Variants in SRGAP1 observed in about 807,000 individuals in gnomAD.
SRGAP1 encodes the protein SLIT-ROBO Rho GTPase-activating protein 1.
Under a neutral mutation model 121.9 loss-of-function variants are expected in SRGAP1, and 43 were observed. The observed-to-expected ratio is 0.35, with a 90% confidence interval of 0.28 to 0.46. The LOEUF is 0.46. Ranked by LOEUF, SRGAP1 falls within the 20% of genes least tolerant of loss-of-function variation. The pLI, the probability that SRGAP1 is intolerant of heterozygous loss-of-function variation, is 1.00. For synonymous variants in SRGAP1, 447 were observed against 485.4 expected, an observed-to-expected ratio of 0.92 and a Z score of 1.04; for missense variants, 1,102 against 1,350.9, an observed-to-expected ratio of 0.82 and a Z score of 2.89.
chr12:64,022,246 G>A (rs1485583349), intron 4 of SRGAP1, among the ~76,000 whole-genome samples: 2 of 152,162 alleles, frequency 1.3e-5, no homozygotes, highest in Non-Finnish European at 2.9e-5. Flanking sequence ...AAGATCTCCA[G>A]TGAGCAAGCT....
At chr12:63,954,891 A>G (rs1303584223) in intron 1 of SRGAP1, among the ~76,000 whole-genome samples, 8 of 152,190 alleles carry the variant, frequency 5.3e-5, no homozygotes, top group Non-Finnish European at 8.8e-5. Context: ...TTTAAATAAT[A>G]AGTGAGGAGA....
At chr12:63,992,203 T>A (rs2033573786) in intron 3 of SRGAP1, among the ~76,000 whole-genome samples, 1 of 152,212 alleles carries the variant, frequency 6.6e-6, no homozygotes. Context: ...TTGTACGTCT[T>A]GCTAAAATGT....
intron 21 of SRGAP1, among the ~76,000 whole-genome samples, chr12:64,137,041 A>C (rs2036867053): frequency 6.6e-6 from 1 of 152,146 alleles, no homozygotes; most frequent in Non-Finnish European, 1.5e-5. Context: ...AGGCGCATGG[A>C]TCACTTGAGG....
At chr12:63,868,935 A>C (rs991534697) in intron 1 of SRGAP1, among the ~76,000 whole-genome samples, 1 of 152,170 alleles carries the variant, frequency 6.6e-6, no homozygotes, top group Admixed American at 6.5e-5. Flanking sequence ...ATAGATGTAG[A>C]TTGCTCTACC....
intron 3 of SRGAP1, among the ~76,000 whole-genome samples, chr12:64,001,095 C>G (rs1265237391): frequency 6.6e-6 from 1 of 152,088 alleles, no homozygotes; most frequent in Non-Finnish European, 1.5e-5. Context: ...ACTTTCGAGC[C>G]TCAAGCTTGC....
chr12:64,033,669 G>A (rs1241255666), intron 4 of SRGAP1, among the ~76,000 whole-genome samples: 1 of 151,888 alleles, frequency 6.6e-6, no homozygotes, highest in Non-Finnish European at 1.5e-5. Context: ...AGTGAGCCGA[G>A]CTCATGACAT....
chr12:63,990,393 G>A (rs183856024), intron 3 of SRGAP1, among the ~76,000 whole-genome samples: 4 of 152,208 alleles, frequency 2.6e-5, no homozygotes, highest in East Asian at 1.9e-4. Context: ...TTAGCTGGGC[G>A]TGGTGGCGCT....
intron 2 of SRGAP1, among the ~76,000 whole-genome samples, chr12:63,984,751 C>T (rs191665666): frequency 2.6e-4 from 40 of 152,168 alleles, no homozygotes; most frequent in African/African-American, 9.4e-4. Flanking sequence ...TGGGGTGGCT[C>T]ATACCTGTAA....
chr12:64,019,507 A>G (rs2034493702), intron 4 of SRGAP1, among the ~76,000 whole-genome samples: 1 of 152,210 alleles, frequency 6.6e-6, no homozygotes, highest in South Asian at 2.1e-4. Context: ...ATCAGAGAGC[A>G]TGCTCAGCAA....
chr12:63,988,211 G>A (rs1025495632), intron 2 of SRGAP1, among the ~76,000 whole-genome samples: 15 of 152,156 alleles, frequency 9.9e-5, no homozygotes, highest in Admixed American at 9.8e-4. Flanking sequence ...AATGTTTACT[G>A]TGGGGCAAGG....
At chr12:64,135,543 C>A (rs2036844589) in intron 21 of SRGAP1, among the ~76,000 whole-genome samples, 3 of 152,090 alleles carry the variant, frequency 2.0e-5, no homozygotes, top group Admixed American at 2.0e-4. Context: ...ATACTCCATA[C>A]AAATGTATTA....
intron 1 of SRGAP1, among the ~76,000 whole-genome samples, chr12:63,896,136 G>A (rs568987024): frequency 5.3e-5 from 8 of 152,106 alleles, no homozygotes; most frequent in African/African-American, 1.9e-4. Context: ...GAGGGAGGGG[G>A]ATTTATATAA....
At chr12:64,034,670 C>CCCA (rs769951532) in intron 4 of SRGAP1, among the ~76,000 whole-genome samples, 7 of 152,094 alleles carry the variant, frequency 4.6e-5, no homozygotes, top group Non-Finnish European at 8.8e-5. Context: ...TTTTATCCCC[C>CCCA]CCACCACCTT....
intron 4 of SRGAP1, among the ~76,000 whole-genome samples, chr12:64,026,543 G>A (rs558937099): frequency 5.9e-5 from 9 of 152,214 alleles, no homozygotes; most frequent in East Asian, 1.9e-4. Flanking sequence ...GTTTGATAGC[G>A]TTTGGGGACC....
rs2037131159 is a variant in SRGAP1, at chr12:64,152,755, T to C, written c.*10083T>C. On this transcript the variant is annotated 3_prime_UTR_variant, in exon 22 of 22. Coordinates refer to ENST00000355086, the MANE Select transcript of SRGAP1 (RefSeq NM_020762.4). The stretch of plus-strand genomic sequence containing the variant: ...CATCATTCCAAACCCAACAAAATGG[T>C]TACATCCTTCATGAAGGGTTCCCCA... The C allele has an allele frequency of 6.6e-6, 1 of 152,000 alleles. No homozygotes were observed. Among genetic ancestry groups the C allele is most frequent in the African/African-American group, 2.4e-5 (1 of 41,398 alleles). The allele number at this position is 152,000 out of a possible 1,614,324, so 9.4% of individuals were successfully genotyped here.
chr12:63,900,204 C>CTT (rs67622101), intron 1 of SRGAP1, among the ~76,000 whole-genome samples: 1 of 87,524 alleles, frequency 1.1e-5, no homozygotes, highest in African/African-American at 4.0e-5. Context: ...TTTTCTTTTT[C>CTT]TTTTTTTTTT....
At chr12:64,041,429 G>A (rs867901745) in intron 4 of SRGAP1, among the ~76,000 whole-genome samples, 21 of 151,596 alleles carry the variant, frequency 1.4e-4, no homozygotes, top group African/African-American at 4.8e-4. Context: ...CTGTCACCCA[G>A]GCTGGAGTGC....
chr12:63,976,336 C>T (rs2033093723), intron 1 of SRGAP1, among the ~76,000 whole-genome samples: 1 of 152,100 alleles, frequency 6.6e-6, no homozygotes, highest in Admixed American at 6.5e-5. Context: ...AACTCTCCTT[C>T]TCTCCTACTT....
In SRGAP1 at chr12:64,158,604, T is replaced by G. The variant is rs2037184560; in HGVS notation, c.*15932T>G. 1 of 151,766 alleles carries G rather than the reference T, an allele frequency of 6.6e-6. No individual in the cohort carries two copies. The highest frequency in any genetic ancestry group is 1.5e-5 in the Non-Finnish European group (1 of 67,928). 9.4% of individuals were successfully genotyped at this position (151,766 alleles called of 1,614,324 possible). Reference sequence around the variant, plus strand: ...CTGGCCAATATGGTGAAACCCCGTCTCTACTAATGATACGAAAATTAGCCG... The same window carrying G: ...CTGGCCAATATGGTGAAACCCCGTCGCTACTAATGATACGAAAATTAGCCG... On this transcript the variant is annotated 3_prime_UTR_variant, in exon 22 of 22. Transcript: ENST00000355086.
Sources: allele counts gnomAD v4.1 joint callset (sites outside exome capture counted in the v4.1 genomes callset), GRCh38; gene constraint gnomAD v4.1.1; transcripts MANE v1.5; gene names NCBI Gene and HGNC (gene_info 2026-07-23, HGNC 2026-07-21).